TRAF3IP3: variants seen among roughly 807,000 people sequenced by gnomAD.
TRAF3IP3 encodes TRAF3-interacting JNK-activating modulator.
Under a neutral mutation model 86.5 loss-of-function variants are expected in TRAF3IP3, and 64 were observed. The ratio of observed to expected loss-of-function variants is 0.74; its 90% CI spans 0.60 to 0.91. The LOEUF is 0.91. Among genes scored for constraint, TRAF3IP3 ranks in the 40% least tolerant of loss-of-function variants. TRAF3IP3 has a pLI of 0.00. For missense variants in TRAF3IP3, 579 were observed against 642.9 expected, an observed-to-expected ratio of 0.90 and a Z score of 1.07; for synonymous variants, 220 against 243.9, an observed-to-expected ratio of 0.90 and a Z score of 0.91.
In TRAF3IP3 at chr1:209,781,461, AAG is replaced by A; in HGVS notation, c.1563+6_1563+7del. The A allele has an allele frequency of 6.2e-7, 1 of 1,607,386 alleles. No individual in the cohort carries two copies. Among genetic ancestry groups the A allele is most frequent in the East Asian group, 2.2e-5 (1 of 44,816 alleles). The stretch of plus-strand genomic sequence containing the variant: ...AGAGCCAGCAGCTGCCTCCCAGAGT[AAG>A]AGGGTCTCTCCTTCCCATAAAGCCC... On this transcript the variant is annotated splice_donor_5th_base_variant and intron_variant, in intron 16 of 16. Coordinates refer to ENST00000367025, the MANE Select transcript of TRAF3IP3 (RefSeq NM_025228.4).
At position 209,778,123 on chromosome 1, in the gene TRAF3IP3, G is replaced by C; in HGVS notation, c.1202G>C (p.Arg401Thr). The C allele has an allele frequency of 6.2e-7, 1 of 1,614,032 alleles. No homozygotes were observed. The highest frequency in any genetic ancestry group is 8.5e-7 in the Non-Finnish European group (1 of 1,179,962). ...DTQDLQDQLKRSEAEKLTLVT... is the reference protein window; with the variant it reads ...DTQDLQDQLKTSEAEKLTLVT... ...ATTGCATTTTCAGATCAACTAAAAAGGTCAGAGGCAGAGAAACTCACCCTG... is the reference window on the plus strand; with the variant it reads ...ATTGCATTTTCAGATCAACTAAAAACGTCAGAGGCAGAGAAACTCACCCTG... The change falls in exon 13 of 17, where the codon AGG becomes ACG. Residue 401 changes from arginine (R) to threonine (T), a missense_variant. By Grantham distance (71) the Arg-to-Thr change is moderately conservative. Transcript: ENST00000367025.
chr1:209,770,912 G>A (rs1268910581), intron 8 of TRAF3IP3, among the ~76,000 whole-genome samples: 1 of 140,766 alleles, frequency 7.1e-6, no homozygotes, highest in Non-Finnish European at 1.5e-5. Flanking sequence ...GTGTGCGTGT[G>A]CAGGTGAAGG....
chr1:209,759,935 C>T (rs2077216175), intron 2 of TRAF3IP3, 47 bp from the exon 3 acceptor site: 2 of 897,046 alleles, frequency 2.2e-6, no homozygotes, highest in Non-Finnish European at 3.5e-6. Context: ...CATTTTTCTG[C>T]CCATCTTCTG....
At chr1:209,759,262 AC>A (rs2102426013) in intron 2 of TRAF3IP3, 128 bp downstream of exon 2, 1 of 152,366 alleles carries the variant, frequency 6.6e-6, no homozygotes, top group Admixed American at 6.5e-5. Flanking sequence ...CTTGATCTGC[AC>A]CTGAGAGACA....
rs2077200946 is a variant in TRAF3IP3 at position 209,759,019 on chromosome 1, C to A, written c.-159-15C>A. ...TCTGATTACTGTCTTTGTTTTGTTT[C>A]TTTTCTGTTTGCAGCAGCCTTATTG... On this transcript the variant is annotated splice_polypyrimidine_tract_variant and intron_variant, in intron 1 of 16. Transcript: ENST00000367025. The A allele has an allele frequency of 6.6e-6, 1 of 152,334 alleles. No individual in the cohort carries two copies. The highest frequency in any genetic ancestry group is 2.1e-4 in the South Asian group (1 of 4,834). 9.4% of individuals were successfully genotyped at this position (152,334 alleles called of 1,614,324 possible).
intron 16 of TRAF3IP3, 185 bp downstream of exon 16, chr1:209,781,643 C>A (rs2077783068): frequency 3.9e-6 from 2 of 518,792 alleles, no homozygotes; most frequent in Middle Eastern, 5.2e-4. Context: ...CCATCAAAGC[C>A]CAACTTTCAC....
intron 12 of TRAF3IP3, chr1:209,777,711 GCT>G (rs901142154): frequency 1.3e-4 from 70 of 521,078 alleles, no homozygotes; most frequent in African/African-American, 1.2e-3. Context: ...TGTTGTCTGA[GCT>G]CTCTTTTTTA....
chr1:209,760,196 C>A lies in TRAF3IP3; in HGVS notation c.157C>A (p.Gln53Lys). ...GGTGGGGAAGACGCTGAGGATCCAA[C>A]AGAGAGAGCAGCTCCAGAGAGCTCG... Reference protein sequence around the residue: ...RQVGKTLRIQQREQLQRARLQ... With the variant: ...RQVGKTLRIQKREQLQRARLQ... Residue 53 changes from glutamine (Q) to lysine (K), a missense_variant, in exon 3 of 17, where the codon CAG becomes AAG. Transcript: ENST00000367025. 8.7e-6 allele frequency: 14 copies of A among 1,614,236 alleles called. No individual in the cohort carries two copies. Among genetic ancestry groups the A allele is most frequent in the Non-Finnish European group, 1.2e-5 (14 of 1,180,038 alleles).
intron 11 of TRAF3IP3, chr1:209,776,040 A>C: frequency 4.1e-6 from 1 of 242,104 alleles, no homozygotes; most frequent in Non-Finnish European, 7.9e-6. Context: ...CTCCCAACCC[A>C]CTCTCCAAAC....
intron 15 of TRAF3IP3, 21 bp from the exon 16 acceptor site, chr1:209,781,324 C>T (rs1351087280): frequency 1.3e-6 from 2 of 1,551,038 alleles, no homozygotes; most frequent in African/African-American, 1.4e-5. Context: ...ACAGTGATGA[C>T]TTTGGTGATG....
At chr1:209,767,008 C>G (rs546753932) in intron 8 of TRAF3IP3, among the ~76,000 whole-genome samples, 254 of 152,296 alleles carry the variant, frequency 1.7e-3, no homozygotes, top group African/African-American at 6.0e-3. Context: ...GGAATGATTA[C>G]AGGCCTATGT....
intron 8 of TRAF3IP3, among the ~76,000 whole-genome samples, chr1:209,767,076 A>ATG (rs1480610088): frequency 6.6e-6 from 1 of 152,192 alleles, no homozygotes; most frequent in Non-Finnish European, 1.5e-5. Flanking sequence ...CCAGAGTAGT[A>ATG]CCAAAGAAAG....
intron 12 of TRAF3IP3, chr1:209,777,859 C>T (rs2077691808): frequency 3.1e-5 from 17 of 547,772 alleles, no homozygotes; most frequent in South Asian, 1.5e-4. Flanking sequence ...CCTCTGTGTC[C>T]GCTGATAGAG....
At chr1:209,775,804 G>T in intron 11 of TRAF3IP3, 68 bp downstream of exon 11, 1 of 1,492,942 alleles carries the variant, frequency 6.7e-7, no homozygotes, top group Non-Finnish European at 9.0e-7. Context: ...GAAAGAAGCT[G>T]TTCTGGATTA....
chr1:209,775,252 G>C, intron 9 of TRAF3IP3, 97 bp from the exon 10 acceptor site: 1 of 1,217,372 alleles, frequency 8.2e-7, no homozygotes, highest in African/African-American at 1.5e-5. Context: ...ATCTCTGCCT[G>C]GGGGAAGAAC....
rs371847337 is a variant in TRAF3IP3, at chr1:209,768,826, C to G, written c.703-4122C>G. On this transcript the variant is annotated intron_variant, in intron 8 of 16. Coordinates refer to ENST00000367025, the MANE Select transcript of TRAF3IP3 (RefSeq NM_025228.4). ...CTTCAGTGTGGGGGACCCTGGGGCT[C>G]AGACCAGGAAACTACATGCCCGATT... Among the ~76,000 whole-genome samples the G allele has an allele frequency of 3.9e-5, 6 of 152,350 alleles. No homozygotes were observed. In the East Asian group the frequency reaches 7.7e-4, roughly 20 times the overall value.
At chr1:209,770,087 T>G (rs763139579) in intron 8 of TRAF3IP3, among the ~76,000 whole-genome samples, 3 of 152,310 alleles carry the variant, frequency 2.0e-5, no homozygotes, top group Non-Finnish European at 4.4e-5. Flanking sequence ...AGATTGGCTC[T>G]TCATGCCGGC....
rs142255994 is a variant in TRAF3IP3 at position 209,757,706 on chromosome 1, C to T, written c.-159-1328C>T. Reference sequence around the variant, plus strand: ...TTAGCTTGGAGCCTTTGTCTTACAGCACCAAGTCTTCAATATCCAACATCG... The same window carrying T: ...TTAGCTTGGAGCCTTTGTCTTACAGTACCAAGTCTTCAATATCCAACATCG... On this transcript the variant is annotated intron_variant, in intron 1 of 16. Coordinates refer to ENST00000367025, the MANE Select transcript of TRAF3IP3 (RefSeq NM_025228.4). Among the ~76,000 whole-genome samples the T allele has an allele frequency of 7.1e-4, 108 of 152,284 alleles. 1 individual carries two copies. The highest frequency in any genetic ancestry group is 6.3e-3 in the Admixed American group (96 of 15,300).
rs758375285 is a variant in TRAF3IP3 at position 209,780,484 on chromosome 1, G to C, written c.1327G>C (p.Val443Leu). 5.7e-6 allele frequency: 9 copies of C among 1,592,492 alleles called. No individual in the cohort carries two copies. The highest frequency in any genetic ancestry group is 4.1e-5 in the African/African-American group (3 of 73,840). The change falls in exon 15 of 17, where the codon GTG (valine) becomes CTG (leucine). Residue 443 changes from valine (V) to leucine (L), a missense_variant. By Grantham distance (32) the Val-to-Leu change is conservative. Coordinates refer to ENST00000367025, the MANE Select transcript of TRAF3IP3 (RefSeq NM_025228.4). ...LLTKKDQALP[V>L]WSPKSFPNEV... ...TGCTTTTTTAGATCAGGCTTTGCCC[G>C]TGTGGAGTCCAAAGTCCTTCCCTAA... is the stretch of plus-strand genomic sequence containing the variant.
Sources: allele counts gnomAD v4.1 joint callset (sites outside exome capture counted in the v4.1 genomes callset), GRCh38; gene constraint gnomAD v4.1.1; transcripts MANE v1.5; gene names NCBI Gene and HGNC (gene_info 2026-07-23, HGNC 2026-07-21).